Variants in MCTP1 observed in about 807,000 individuals in gnomAD.
MCTP1 encodes multiple C2 and transmembrane domain containing 1, also known as multiple C2 and transmembrane domain-containing protein 1.
MCTP1 carries 69 observed loss-of-function variants against 120.6 expected under a neutral mutation model. The observed-to-expected ratio is 0.57, with a 90% confidence interval of 0.47 to 0.70. The LOEUF (loss-of-function observed/expected upper bound fraction) is 0.70. Ranked by LOEUF, MCTP1 falls within the 30% of genes least tolerant of loss-of-function variation. The pLI, the probability that MCTP1 is intolerant of heterozygous loss-of-function variation, is 0.00. For synonymous variants in MCTP1, 529 were observed against 493.1 expected (o/e 1.07, Z -0.96); for missense variants, 1,203 against 1,248.8 (o/e 0.96, Z 0.55).
chr5:94,768,951 C>G (rs1313723047), intron 19 of MCTP1, among the ~76,000 whole-genome samples: 1 of 152,126 alleles, frequency 6.6e-6, no homozygotes, highest in Non-Finnish European at 1.5e-5. Context: ...CATTGCAGCA[C>G]TATTCACAAT....
intron 1 of MCTP1, among the ~76,000 whole-genome samples, chr5:95,270,824 G>T (rs1221146588): frequency 6.6e-6 from 1 of 152,044 alleles, no homozygotes; most frequent in Non-Finnish European, 1.5e-5. Context: ...CAGCCACTTG[G>T]GAGACTGAGG....
intron 1 of MCTP1, among the ~76,000 whole-genome samples, chr5:95,270,577 C>CG (rs1759292214): frequency 5.7e-5 from 2 of 35,376 alleles, no homozygotes; most frequent in Non-Finnish European, 1.0e-4. Context: ...GAGGCCAGCT[C>CG]AGGGTAGGCT....
chr5:94,803,676 A>T (rs1204760604), intron 17 of MCTP1, among the ~76,000 whole-genome samples: 1 of 152,198 alleles, frequency 6.6e-6, no homozygotes, highest in Non-Finnish European at 1.5e-5. Context: ...CACTTTTTGT[A>T]TACTACCTTA....
At chr5:94,943,071 T>A (rs76845182) in intron 3 of MCTP1, among the ~76,000 whole-genome samples, 4,069 of 152,174 alleles carry the variant, frequency 0.027, 76 homozygotes, top group Non-Finnish European at 0.043. Context: ...TCTTATTCAC[T>A]CTATGGTAAG....
intron 1 of MCTP1, among the ~76,000 whole-genome samples, chr5:95,120,726 T>C (rs1393034902): frequency 6.6e-6 from 1 of 152,200 alleles, no homozygotes; most frequent in Non-Finnish European, 1.5e-5. Flanking sequence ...ATAAATAGTA[T>C]AATACTGAAT....
intron 19 of MCTP1, among the ~76,000 whole-genome samples, chr5:94,760,186 G>A (rs1437273254): frequency 6.6e-6 from 1 of 152,092 alleles, no homozygotes; most frequent in Non-Finnish European, 1.5e-5. Flanking sequence ...ATTACATGGT[G>A]CAAAAGGTGA....
intron 18 of MCTP1, 147 bp from the exon 19 acceptor site, chr5:94,779,310 G>A (rs781731732): frequency 2.9e-6 from 2 of 687,362 alleles, no homozygotes; most frequent in Non-Finnish European, 5.2e-6. Context: ...GAGTGATTAG[G>A]AAAATGCTCT....
At chr5:95,283,821 C>A in intron 1 of MCTP1, 35 bp downstream of exon 1, 2 of 1,293,794 alleles carry the variant, frequency 1.5e-6, no homozygotes, top group Non-Finnish European at 1.9e-6. Flanking sequence ...CGTGGTCCCG[C>A]GCACCTTGTC....
chr5:95,082,038 G>A (rs560065105), intron 1 of MCTP1, among the ~76,000 whole-genome samples: 4 of 152,048 alleles, frequency 2.6e-5, no homozygotes, highest in East Asian at 1.9e-4. Flanking sequence ...CATTCCCATC[G>A]GTATAAAAAC....
At chr5:95,158,641 T>G (rs192032803) in intron 1 of MCTP1, among the ~76,000 whole-genome samples, 1 of 152,054 alleles carries the variant, frequency 6.6e-6, no homozygotes, top group Admixed American at 6.6e-5. Context: ...AAAGCAAATT[T>G]AGGGACATGT....
Position 94,835,980 on chromosome 5 carries a change from G to A in MCTP1, c.2436+32353C>T, listed in dbSNP as rs1789652126. Among the ~76,000 whole-genome samples, 4 of 151,976 alleles carry A rather than the reference G, an allele frequency of 2.6e-5. No individual in the cohort carries two copies. In the South Asian group the frequency reaches 8.3e-4, roughly 32 times the overall value. ...GATGGTGCCACTGCACTCCAGCCTG[G>A]GCGACAGAGCGAGACTCCATCTCAA... On this transcript the variant is annotated intron_variant, in intron 17 of 22. Transcript: ENST00000515393.
intron 1 of MCTP1, among the ~76,000 whole-genome samples, chr5:95,150,110 G>A (rs1246974207): frequency 1.3e-5 from 2 of 152,114 alleles, no homozygotes; most frequent in Non-Finnish European, 2.9e-5. Context: ...CTTCTAGTCA[G>A]TCATCTTGAA....
At chr5:94,928,613 A>G (rs1361307255) in intron 6 of MCTP1, among the ~76,000 whole-genome samples, 1 of 152,180 alleles carries the variant, frequency 6.6e-6, no homozygotes, top group East Asian at 1.9e-4. Flanking sequence ...GCAGAATTCA[A>G]AATGTGCGTA....
chr5:94,966,002 TG>T (rs750027393), intron 2 of MCTP1, among the ~76,000 whole-genome samples: 6 of 152,140 alleles, frequency 3.9e-5, no homozygotes, highest in Non-Finnish European at 8.8e-5. Context: ...AATCTATAAC[TG>T]TGTATTTATA....
At chr5:95,022,691 G>A (rs1000002912) in intron 1 of MCTP1, among the ~76,000 whole-genome samples, 1 of 152,158 alleles carries the variant, frequency 6.6e-6, no homozygotes, top group Admixed American at 6.6e-5. Flanking sequence ...CTACACTCAT[G>A]TAATGCATCC....
chr5:95,211,544 C>A (rs937939866), intron 1 of MCTP1, among the ~76,000 whole-genome samples: 1 of 152,194 alleles, frequency 6.6e-6, no homozygotes, highest in Non-Finnish European at 1.5e-5. Flanking sequence ...TTAAGCACTT[C>A]TCTGTATTGG....
chr5:95,206,140 G>A (rs1344833698), intron 1 of MCTP1, among the ~76,000 whole-genome samples: 5 of 152,072 alleles, frequency 3.3e-5, no homozygotes, highest in African/African-American at 9.7e-5. Flanking sequence ...ATAAATCAAT[G>A]AGTGAATAAA....
intron 7 of MCTP1, among the ~76,000 whole-genome samples, chr5:94,920,236 A>C (rs1177372729): frequency 6.6e-6 from 1 of 151,782 alleles, no homozygotes; most frequent in Non-Finnish European, 1.5e-5. Flanking sequence ...AATATGGGAA[A>C]GGAACAATAG....
chr5:95,091,902 G>T (rs941797342), intron 1 of MCTP1, among the ~76,000 whole-genome samples: 6 of 152,202 alleles, frequency 3.9e-5, no homozygotes, highest in African/African-American at 1.4e-4. Context: ...ACTGAGACAG[G>T]CAGTAAGTGG....
Sources: gnomAD v4.1 joint callset for allele counts (sites outside exome capture counted in the v4.1 genomes callset) on GRCh38, gnomAD v4.1.1 for gene constraint, MANE v1.5 for transcripts, NCBI Gene and HGNC (gene_info 2026-07-23, HGNC 2026-07-21) for gene names.